The following PCDHA7 variants were observed in gnomAD, a reference collection of about 807,000 sequenced individuals.
PCDHA7 encodes the protein protocadherin alpha 7, also known as protocadherin alpha-7.
In PCDHA7, 37 loss-of-function variants were observed where a neutral mutation model predicts 57.2. That is an observed-to-expected ratio of 0.65 (90% CI 0.50 to 0.85). The LOEUF (loss-of-function observed/expected upper bound fraction) is 0.85, where lower values mean the gene tolerates loss of function less well. PCDHA7 is among the 40% of genes least tolerant of loss of function. The pLI, the probability that PCDHA7 is intolerant of heterozygous loss-of-function variation, is 0.00. For missense variants in PCDHA7, 1,188 were observed against 1,241.8 expected (o/e 0.96, Z 0.65); for synonymous variants, 553 against 558.8 (o/e 0.99, Z 0.15).
At chr5:140,879,084 G>T (rs927310887) in intron 1 of PCDHA7, among the ~76,000 whole-genome samples, 1 of 152,174 alleles carries the variant, frequency 6.6e-6, no homozygotes, top group Non-Finnish European at 1.5e-5. Flanking sequence ...AGATAAGTAG[G>T]AACAACTGCA....
intron 1 of PCDHA7, among the ~76,000 whole-genome samples, chr5:140,950,508 C>T (rs1442075303): frequency 6.6e-6 from 1 of 152,016 alleles, no homozygotes; most frequent in African/African-American, 2.4e-5. Context: ...TCATTATTCC[C>T]TGTGTGCGAT....
At chr5:141,009,179 G>C (rs1343163889) in intron 3 of PCDHA7, among the ~76,000 whole-genome samples, 2 of 152,212 alleles carry the variant, frequency 1.3e-5, no homozygotes, top group Non-Finnish European at 2.9e-5. Flanking sequence ...CCTTGGCTGG[G>C]TGTGGTAGCT....
At chr5:140,849,595 C>T (rs2150441932) in intron 1 of PCDHA7, 1 of 1,598,688 alleles carries the variant, frequency 6.3e-7, no homozygotes, top group South Asian at 1.1e-5. Flanking sequence ...CAACTGGGGA[C>T]AGTTATTGCC....
intron 3 of PCDHA7, among the ~76,000 whole-genome samples, chr5:140,985,060 C>A (rs1377386395): frequency 6.6e-6 from 1 of 152,066 alleles, no homozygotes; most frequent in Admixed American, 6.5e-5. Flanking sequence ...GCCTCAGCCT[C>A]CTGAGTAGCT....
rs1422788962 is a variant in PCDHA7, at chr5:140,847,584, A to G, written c.2355+10846A>G. ...GCCCCGAGTACTAAGGATGAGCAAT[A>G]ATGAAATTAAAACATATTGTAATAA... On this transcript the variant is annotated intron_variant, in intron 1 of 3. Coordinates refer to ENST00000525929, the MANE Select transcript of PCDHA7 (RefSeq NM_018910.3). The G allele has an allele frequency of 1.1e-4, 16 of 149,668 alleles. No homozygotes were observed. In the Admixed American group the frequency reaches 1.1e-3, roughly 10 times the overall value. 9.3% of individuals were successfully genotyped at this position (149,668 alleles called of 1,614,324 possible).
chr5:140,969,880 A>G (rs1365035569), intron 1 of PCDHA7, among the ~76,000 whole-genome samples: 2 of 152,238 alleles, frequency 1.3e-5, no homozygotes, highest in Non-Finnish European at 2.9e-5. Flanking sequence ...CCTATGTGAT[A>G]GGATCCTCTG....
chr5:140,959,118 C>T (rs781848896), intron 1 of PCDHA7, among the ~76,000 whole-genome samples: 8 of 151,838 alleles, frequency 5.3e-5, no homozygotes, highest in Non-Finnish European at 1.0e-4. Context: ...CGAAGGTGGG[C>T]GAGGTGAGCC....
intron 1 of PCDHA7, among the ~76,000 whole-genome samples, chr5:140,924,739 ACAAAAATTAACCGAG>A (rs2081980485): frequency 6.6e-6 from 1 of 151,884 alleles, no homozygotes; most frequent in Non-Finnish European, 1.5e-5. Flanking sequence ...TAATAAAAAT[ACAAAAATTAACCGAG>A]CATGGTGGTG....
At chr5:140,945,024 A>G (rs1554216669) in intron 1 of PCDHA7, among the ~76,000 whole-genome samples, 1 of 152,122 alleles carries the variant, frequency 6.6e-6, no homozygotes, top group Non-Finnish European at 1.5e-5. Flanking sequence ...TTTTACTCAG[A>G]CATAATTATC....
At chr5:140,916,323 C>G (rs1035282237) in intron 1 of PCDHA7, among the ~76,000 whole-genome samples, 2 of 152,210 alleles carry the variant, frequency 1.3e-5, no homozygotes. Flanking sequence ...ACAAAGTCCC[C>G]TTTACTTTTT....
At chr5:140,883,398 G>A (rs1421475221) in intron 1 of PCDHA7, 1 of 1,614,166 alleles carries the variant, frequency 6.2e-7, no homozygotes, top group Non-Finnish European at 8.5e-7. Flanking sequence ...GTGTCCGATC[G>A]TGACTCTGGC....
At chr5:140,929,935 T>C (rs1253092331) in intron 1 of PCDHA7, 1 of 152,218 alleles carries the variant, frequency 6.6e-6, no homozygotes, top group Non-Finnish European at 1.5e-5. Context: ...CAGTGTATTC[T>C]CTAGCCTATA....
At chr5:140,858,328 G>T (rs782462952) in intron 1 of PCDHA7, 1 of 1,596,534 alleles carries the variant, frequency 6.3e-7, no homozygotes, top group South Asian at 1.1e-5. Context: ...GTTCTGGGGA[G>T]GGCCTGCCCA....
At chr5:140,924,697 C>A (rs1443260109) in intron 1 of PCDHA7, among the ~76,000 whole-genome samples, 5 of 151,946 alleles carry the variant, frequency 3.3e-5, no homozygotes, top group Admixed American at 2.6e-4. Context: ...GAGTTCGAGA[C>A]CAGCTTGTGC....
intron 1 of PCDHA7, among the ~76,000 whole-genome samples, chr5:140,937,469 T>C (rs1322050073): frequency 6.6e-6 from 1 of 152,210 alleles, no homozygotes; most frequent in Non-Finnish European, 1.5e-5. Flanking sequence ...ATACAAAAAT[T>C]AGCTGGACAT....
intron 1 of PCDHA7, among the ~76,000 whole-genome samples, chr5:140,920,082 C>T (rs567545861): frequency 2.0e-5 from 3 of 152,248 alleles, no homozygotes; most frequent in East Asian, 1.9e-4. Context: ...ACAGATTCTC[C>T]GTAGAGCCTC....
Position 140,854,738 on chromosome 5 carries a change from G to A in PCDHA7, c.2355+18000G>A, listed in dbSNP as rs894422305. The A allele has an allele frequency of 8.7e-5, 13 of 149,392 alleles. 1 individual carries two copies. The East Asian group carries it at 2.5e-3, about 29-fold the overall frequency. 9.3% of individuals were successfully genotyped at this position (149,392 alleles called of 1,614,324 possible). On this transcript the variant is annotated intron_variant, in intron 1 of 3. Coordinates refer to ENST00000525929, the MANE Select transcript of PCDHA7 (RefSeq NM_018910.3). ...CAGAAAACTCAAGTTTTTTTCAGCA[G>A]CACAGATATATTACATTTTCATTCC...
At chr5:140,997,911 C>T (rs2097790216) in intron 3 of PCDHA7, among the ~76,000 whole-genome samples, 1 of 152,120 alleles carries the variant, frequency 6.6e-6, no homozygotes, top group East Asian at 1.9e-4. Context: ...AGTAGAATTA[C>T]AGAATCATAG....
chr5:140,963,850 A>T (rs2095793640), intron 1 of PCDHA7, among the ~76,000 whole-genome samples: 1 of 152,244 alleles, frequency 6.6e-6, no homozygotes. Flanking sequence ...TAATCATAAT[A>T]ATAACCGTAT....
Sources: allele counts gnomAD v4.1 joint callset (sites outside exome capture counted in the v4.1 genomes callset), GRCh38; gene constraint gnomAD v4.1.1; transcripts MANE v1.5; gene names NCBI Gene and HGNC (gene_info 2026-07-23, HGNC 2026-07-21).